Variants in NEBL observed in about 807,000 individuals in gnomAD.
NEBL encodes LIM and SH3 protein 2.
NEBL carries 122 observed loss-of-function variants against 140.2 expected under a neutral mutation model. The observed-to-expected ratio is 0.87, with a 90% confidence interval of 0.75 to 1.01. NEBL has a LOEUF of 1.01. Among genes scored for constraint, NEBL ranks in the 50% least tolerant of loss-of-function variants. NEBL has a pLI of 0.00. For missense variants in NEBL, 1,365 were observed against 1,231.3 expected (o/e 1.11, Z -1.62); for synonymous variants, 436 against 398.9 (o/e 1.09, Z -1.11).
chr10:20,881,866 A>C (rs1846036919), intron 4 of NEBL, among the ~76,000 whole-genome samples: 1 of 152,208 alleles, frequency 6.6e-6, no homozygotes, highest in South Asian at 2.1e-4. Flanking sequence ...TTAATACTAA[A>C]AGGATGTTAA....
At chr10:20,918,621 G>T (rs1047513127) in intron 4 of NEBL, among the ~76,000 whole-genome samples, 1 of 151,916 alleles carries the variant, frequency 6.6e-6, no homozygotes, top group Non-Finnish European at 1.5e-5. Flanking sequence ...GAGGCCGACG[G>T]GGGCAGATCA....
chr10:20,847,143 T>C (rs1451803854), intron 11 of NEBL, among the ~76,000 whole-genome samples: 1 of 152,186 alleles, frequency 6.6e-6, no homozygotes, highest in Non-Finnish European at 1.5e-5. Context: ...TGATTCTCTT[T>C]ATACCTACTT....
intron 8 of NEBL, among the ~76,000 whole-genome samples, chr10:20,859,062 G>A (rs561989286): frequency 2.7e-4 from 41 of 152,190 alleles, no homozygotes; most frequent in African/African-American, 9.1e-4. Context: ...GAAAGCAACA[G>A]ATCAATAATA....
intron 4 of NEBL, among the ~76,000 whole-genome samples, chr10:20,937,417 C>A (rs1834549474): frequency 6.6e-6 from 1 of 152,134 alleles, no homozygotes; most frequent in South Asian, 2.1e-4. Flanking sequence ...GTACAATGTT[C>A]AGCTGAAACA....
At chr10:20,961,335 T>C (rs963719190) in intron 4 of NEBL, among the ~76,000 whole-genome samples, 7 of 152,184 alleles carry the variant, frequency 4.6e-5, no homozygotes, top group African/African-American at 1.7e-4. Flanking sequence ...ACTCCTAACC[T>C]TATATGTATA....
intron 2 of NEBL, among the ~76,000 whole-genome samples, chr10:21,051,989 C>G (rs1834799225): frequency 6.6e-6 from 1 of 151,886 alleles, no homozygotes; most frequent in African/African-American, 2.4e-5. Flanking sequence ...CTGGACAACA[C>G]AGCAAGGCCA....
At chr10:21,169,820 T>C (rs1183347276) in intron 2 of NEBL, among the ~76,000 whole-genome samples, 3 of 152,126 alleles carry the variant, frequency 2.0e-5, no homozygotes, top group Non-Finnish European at 4.4e-5. Context: ...AAACTAAAAA[T>C]AATGTACTGG....
chr10:20,832,553 G>A (rs533631740), intron 14 of NEBL, among the ~76,000 whole-genome samples: 1 of 151,922 alleles, frequency 6.6e-6, no homozygotes, highest in Non-Finnish European at 1.5e-5. Flanking sequence ...TCAGAAAGCT[G>A]TACATATATA....
At chr10:21,118,333 AG>A (rs1838376836) in intron 2 of NEBL, among the ~76,000 whole-genome samples, 1 of 152,166 alleles carries the variant, frequency 6.6e-6, no homozygotes. Flanking sequence ...TTCCCTGAGA[AG>A]GGGCAAAATG....
chr10:21,218,524 G>T (rs1842028831), intron 3 of NEBL, among the ~76,000 whole-genome samples: 2 of 151,986 alleles, frequency 1.3e-5, no homozygotes, highest in African/African-American at 4.8e-5. Flanking sequence ...CATGCTGTGT[G>T]GTATAATAGA....
intron 4 of NEBL, among the ~76,000 whole-genome samples, chr10:20,932,445 G>T (rs1420742862): frequency 6.6e-6 from 1 of 152,102 alleles, no homozygotes; most frequent in African/African-American, 2.4e-5. Flanking sequence ...AAAGGGGAGG[G>T]AGAGCATTAG....
chr10:21,041,687 T>TA (rs530388281), intron 2 of NEBL, among the ~76,000 whole-genome samples: 63 of 152,044 alleles, frequency 4.1e-4, no homozygotes, highest in South Asian at 1.9e-3. Context: ...AAAATAAAAA[T>TA]AAAAAAATAG....
chr10:21,190,701 A>G (rs940674809), intron 3 of NEBL, among the ~76,000 whole-genome samples: 6 of 152,246 alleles, frequency 3.9e-5, no homozygotes, highest in Admixed American at 2.6e-4. Context: ...GAATAGATTT[A>G]TTAAGAATAC....
At chr10:20,833,106 A>G (rs779926102) in intron 14 of NEBL, among the ~76,000 whole-genome samples, 4 of 152,222 alleles carry the variant, frequency 2.6e-5, no homozygotes, top group Non-Finnish European at 4.4e-5. Flanking sequence ...CATAGACTAC[A>G]TTAGACACCC....
At chr10:21,031,056 A>C (rs1041793235) in intron 2 of NEBL, among the ~76,000 whole-genome samples, 2 of 152,254 alleles carry the variant, frequency 1.3e-5, no homozygotes, top group African/African-American at 4.8e-5. Context: ...AGTAGTAGAA[A>C]GAATGAACAA....
intron 26 of NEBL, among the ~76,000 whole-genome samples, chr10:20,791,472 C>T (rs1402682977): frequency 6.6e-6 from 1 of 152,088 alleles, no homozygotes; most frequent in African/African-American, 2.4e-5. Flanking sequence ...GATGTGATCA[C>T]AGCTCACTTC....
intron 2 of NEBL, among the ~76,000 whole-genome samples, chr10:21,054,999 T>A (rs144993622): frequency 6.6e-6 from 1 of 152,304 alleles, no homozygotes; most frequent in Non-Finnish European, 1.5e-5. Context: ...CTGATGAAAG[T>A]TCTGTTTCTG....
intron 3 of NEBL, among the ~76,000 whole-genome samples, chr10:20,968,119 G>A (rs1343797607): frequency 3.3e-5 from 5 of 152,124 alleles, no homozygotes; most frequent in Non-Finnish European, 7.3e-5. Context: ...ATCTTAGTGA[G>A]GCTGTTTACA....
intron 3 of NEBL, among the ~76,000 whole-genome samples, chr10:21,242,428 G>T (rs370464644): frequency 6.6e-6 from 1 of 152,112 alleles, no homozygotes; most frequent in South Asian, 2.1e-4. Flanking sequence ...GAAAATACAC[G>T]GACACAAAGA....
Sources: allele counts gnomAD v4.1 joint callset (sites outside exome capture counted in the v4.1 genomes callset), GRCh38; gene constraint gnomAD v4.1.1; transcripts MANE v1.5; gene names NCBI Gene and HGNC (gene_info 2026-07-23, HGNC 2026-07-21).